FBLN5: variants seen among roughly 807,000 people sequenced by gnomAD.
The protein encoded by FBLN5 is fibulin 5.
In FBLN5, 24 loss-of-function variants were observed where a neutral mutation model predicts 61.6. The observed-to-expected ratio is 0.39, with a 90% CI of 0.28 to 0.55. The LOEUF is 0.55. FBLN5 is among the 20% of genes least tolerant of loss of function. The pLI is 0.65. For synonymous variants in FBLN5, 213 were observed against 219.8 expected, an observed-to-expected ratio of 0.97 and a Z score of 0.27; for missense variants, 470 against 594.1, an observed-to-expected ratio of 0.79 and a Z score of 2.17.
intron 4 of FBLN5, among the ~76,000 whole-genome samples, chr14:91,921,454 T>G (rs1417499206): frequency 6.6e-6 from 1 of 152,056 alleles, no homozygotes; most frequent in Non-Finnish European, 1.5e-5. Context: ...AGCTAAGGGA[T>G]GGGAAAATCA....
At chr14:91,921,928 CG>C (rs1202967204) in intron 4 of FBLN5, among the ~76,000 whole-genome samples, 1 of 152,162 alleles carries the variant, frequency 6.6e-6, no homozygotes, top group Admixed American at 6.5e-5. Flanking sequence ...CTAAAGCTGG[CG>C]GGCCCACATG....
intron 3 of FBLN5, chr14:91,938,241 G>T (rs2056051703): frequency 6.5e-6 from 1 of 153,774 alleles, no homozygotes; most frequent in African/African-American, 2.4e-5. Flanking sequence ...TGGATCACCT[G>T]AGGTCAGGAG....
chr14:91,905,722 G>A (rs1261342830), intron 4 of FBLN5, among the ~76,000 whole-genome samples: 1 of 151,882 alleles, frequency 6.6e-6, no homozygotes, highest in African/African-American at 2.4e-5. Context: ...TGGAATTACA[G>A]GCACATGCCG....
At chr14:91,899,573 A>C (rs780656359) in intron 4 of FBLN5, among the ~76,000 whole-genome samples, 18 of 152,164 alleles carry the variant, frequency 1.2e-4, no homozygotes, top group Admixed American at 6.5e-5. Context: ...AATCTGAAAC[A>C]ACTGCTCACT....
rs551895276 is a variant in FBLN5, at chr14:91,915,392, T to C, written c.380-20320A>G. Among the ~76,000 whole-genome samples the C allele has an allele frequency of 3.3e-5, 5 of 151,598 alleles. No homozygotes were observed. The South Asian group carries it at 1.0e-3, about 31-fold the overall frequency. On this transcript the variant is annotated intron_variant, in intron 4 of 10. Transcript: ENST00000342058. The stretch of plus-strand genomic sequence containing the variant: ...CAAACAGTCCCCTAACTTTAAGAAA[T>C]TATATCGTAGCGGCCAAGCACGGTG...
chr14:91,929,167 A>C (rs541277344), intron 4 of FBLN5, among the ~76,000 whole-genome samples: 1 of 151,752 alleles, frequency 6.6e-6, no homozygotes, highest in South Asian at 2.1e-4. Flanking sequence ...CAGTGCATTA[A>C]AAAAAAATTA....
At chr14:91,904,066 A>C (rs917571236) in intron 4 of FBLN5, among the ~76,000 whole-genome samples, 4 of 152,192 alleles carry the variant, frequency 2.6e-5, no homozygotes, top group African/African-American at 9.6e-5. Flanking sequence ...ATATGGGCAA[A>C]GCACATCTAG....
chr14:91,905,489 A>G (rs1890645516), intron 4 of FBLN5, among the ~76,000 whole-genome samples: 1 of 152,178 alleles, frequency 6.6e-6, no homozygotes, highest in African/African-American at 2.4e-5. Flanking sequence ...CTGGAGCCCA[A>G]AACCTCCTAG....
At chr14:91,911,942 G>A (rs1339319142) in intron 4 of FBLN5, among the ~76,000 whole-genome samples, 1 of 152,202 alleles carries the variant, frequency 6.6e-6, no homozygotes, top group Non-Finnish European at 1.5e-5. Flanking sequence ...CTCCTCATCT[G>A]ATGTTACTTT....
At chr14:91,881,198 C>T (rs1166132424) in intron 9 of FBLN5, 94 bp downstream of exon 9, 2 of 1,464,718 alleles carry the variant, frequency 1.4e-6, no homozygotes, top group South Asian at 1.2e-5. Context: ...CCCCTCACTT[C>T]CTGGCTGGTG....
At position 91,947,212 on chromosome 14, in the gene FBLN5, C is replaced by A. The variant is rs1399349244; in HGVS notation, c.17+1G>T. The A allele has an allele frequency of 2.5e-6, 4 of 1,614,106 alleles. No homozygotes were observed. Among genetic ancestry groups the A allele is most frequent in the African/African-American group, 1.3e-5 (1 of 74,948 alleles). On this transcript the variant is annotated splice_donor_variant, in intron 1 of 10. Transcript: ENST00000342058. LOFTEE classifies it high-confidence loss of function. This position sits in a 1 kb window ranked among gnomAD's most constrained non-coding sequence, Gnocchi z 4.3. Reference sequence around the variant, plus strand: ...AGAAAAGTCCAGCGCCGAGAACCCACCTTTTTATTCCTGGCATGTCCAAGA... The same window carrying A: ...AGAAAAGTCCAGCGCCGAGAACCCAACTTTTTATTCCTGGCATGTCCAAGA...
At chr14:91,880,518 TGTGCGTGC>T (rs1231730602) in intron 9 of FBLN5, among the ~76,000 whole-genome samples, 1 of 117,974 alleles carries the variant, frequency 8.5e-6, no homozygotes, top group Non-Finnish European at 1.8e-5. Flanking sequence ...TCTGTGGGAG[TGTGCGTGC>T]GTGTGTGTGT....
At chr14:91,915,831 T>C (rs571381735) in intron 4 of FBLN5, among the ~76,000 whole-genome samples, 1 of 152,188 alleles carries the variant, frequency 6.6e-6, no homozygotes, top group East Asian at 1.9e-4. Context: ...AAAATTTCCA[T>C]GAATGACCTA....
Position 91,943,495 on chromosome 14 carries a change from C to T in FBLN5, c.18-534G>A, listed in dbSNP as rs1036619868. Among the ~76,000 whole-genome samples, 11 of 151,958 alleles carry T rather than the reference C, an allele frequency of 7.2e-5. No homozygotes were observed. The highest frequency in any genetic ancestry group is 1.0e-4 in the Non-Finnish European group (7 of 67,998). On this transcript the variant is annotated intron_variant, in intron 1 of 10. Coordinates refer to ENST00000342058, the MANE Select transcript of FBLN5 (RefSeq NM_006329.4). The surrounding 1 kb of genome is among the most constrained non-coding windows in gnomAD (Gnocchi z 4.0). ...CTGCACTCCAGCCTGGGTGACAGAG[C>T]GAGACCTTGTCCTCCCCCCACCCCC...
At position 91,947,036 on chromosome 14, in the gene FBLN5, A is replaced by G. The variant is rs1203823942; in HGVS notation, c.17+177T>C. The G allele has an allele frequency of 1.3e-6, 2 of 1,533,692 alleles. No individual in the cohort carries two copies. Among genetic ancestry groups the G allele is most frequent in the Admixed American group, 2.1e-5 (1 of 47,976 alleles). On this transcript the variant is annotated intron_variant, in intron 1 of 10. Coordinates refer to ENST00000342058, the MANE Select transcript of FBLN5 (RefSeq NM_006329.4). This position sits in a 1 kb window ranked among gnomAD's most constrained non-coding sequence, Gnocchi z 4.3. ...CCCACTCCCAAAAGAACGCTTCAAG[A>G]TGGAAATTACAGAGGCGCAGCTTTT...
chr14:91,919,988 C>G (rs994705725), intron 4 of FBLN5, among the ~76,000 whole-genome samples: 28 of 152,308 alleles, frequency 1.8e-4, no homozygotes, highest in Admixed American at 1.3e-3. Context: ...TTGTCCTTCT[C>G]CCTCCCCTGT....
chr14:91,894,866 C>A, intron 5 of FBLN5, 84 bp downstream of exon 5: 3 of 1,181,462 alleles, frequency 2.5e-6, no homozygotes, highest in South Asian at 1.2e-5. Flanking sequence ...TACCCTCAGG[C>A]AGCCAGCTAT....
intron 7 of FBLN5, among the ~76,000 whole-genome samples, chr14:91,886,300 C>T (rs1889722012): frequency 6.6e-6 from 1 of 152,042 alleles, no homozygotes; most frequent in South Asian, 2.1e-4. Context: ...TTACAAAAAA[C>T]AAGGCAAGAA....
At chr14:91,899,404 A>G (rs1301642838) in intron 4 of FBLN5, among the ~76,000 whole-genome samples, 4 of 152,184 alleles carry the variant, frequency 2.6e-5, no homozygotes, top group African/African-American at 9.7e-5. Flanking sequence ...TGGCAACTGG[A>G]GGAAAGCGCT....
Sources: gnomAD v4.1 joint callset for allele counts (sites outside exome capture counted in the v4.1 genomes callset) on GRCh38, gnomAD v4.1.1 for gene constraint, Gnocchi (gnomAD v3.1) non-coding constraint, MANE v1.5 for transcripts, NCBI Gene and HGNC (gene_info 2026-07-23, HGNC 2026-07-21) for gene names.